INO80: variants seen among roughly 807,000 people sequenced by gnomAD.
INO80 encodes chromatin-remodeling ATPase INO80.
A neutral mutation model predicts 203.4 loss-of-function variants in INO80; 20 were observed. That is an observed-to-expected ratio of 0.10 (90% CI 0.07 to 0.14). The LOEUF is 0.14. INO80 is among the 10% of genes least tolerant of loss of function. INO80 has a pLI of 1.00. For missense variants in INO80, 1,419 were observed against 1,914.4 expected (o/e 0.74, Z 4.83); for synonymous variants, 726 against 685.2 (o/e 1.06, Z -0.93).
chr15:41,052,674 CAAAAAAAAAAAAA>C (rs60685375), intron 19 of INO80, among the ~76,000 whole-genome samples: 57,887 of 107,458 alleles, frequency 0.54, 12,184 homozygotes, highest in Middle Eastern at 0.62. Flanking sequence ...CCTTGTCTTA[CAAAAAAAAAAAAA>C]AAAAAAAAAA....
chr15:41,017,306 CAT>C (rs1184596447), intron 26 of INO80: 7 of 152,222 alleles, frequency 4.6e-5, no homozygotes, highest in Admixed American at 3.3e-4. Flanking sequence ...CAGACTGGTC[CAT>C]AAACATGCCC....
At chr15:41,071,450 T>C (rs915366134) in intron 12 of INO80, among the ~76,000 whole-genome samples, 1 of 43,828 alleles carries the variant, frequency 2.3e-5, no homozygotes, top group Non-Finnish European at 4.1e-5. Context: ...CTCATTTCCT[T>C]TTTTTTTTTT....
chr15:41,099,306 G>C (rs2045773260), intron 1 of INO80, among the ~76,000 whole-genome samples: 1 of 139,660 alleles, frequency 7.2e-6, no homozygotes, highest in Non-Finnish European at 1.5e-5. Context: ...GAGTGAGAGA[G>C]AGGGAAAGAA....
At chr15:41,091,863 G>A (rs1477276167) in intron 5 of INO80, among the ~76,000 whole-genome samples, 164 bp downstream of exon 5, 2 of 151,542 alleles carry the variant, frequency 1.3e-5, no homozygotes, top group East Asian at 1.9e-4. Flanking sequence ...CATGTTGGCC[G>A]GGATGGTTTC....
intron 24 of INO80, among the ~76,000 whole-genome samples, chr15:41,034,749 C>T (rs894395127): frequency 2.0e-5 from 3 of 152,188 alleles, no homozygotes; most frequent in African/African-American, 7.2e-5. Context: ...TGTCTCTTCT[C>T]AGGTTTGTTG....
chr15:41,040,511 T>C (rs2044650052), intron 24 of INO80, among the ~76,000 whole-genome samples: 1 of 152,176 alleles, frequency 6.6e-6, no homozygotes, highest in Non-Finnish European at 1.5e-5. Flanking sequence ...AATAGAATTA[T>C]CTTCGCGAAT....
intron 1 of INO80, among the ~76,000 whole-genome samples, chr15:41,113,072 T>G (rs1395492477): frequency 6.6e-6 from 1 of 150,514 alleles, no homozygotes; most frequent in Non-Finnish European, 1.5e-5. Flanking sequence ...CACATCACCA[T>G]GCTTAGCTAA....
intron 31 of INO80, 105 bp downstream of exon 31, chr15:40,986,986 T>G: frequency 1.6e-6 from 1 of 608,394 alleles, no homozygotes; most frequent in South Asian, 2.2e-5. Context: ...CAAAAATACT[T>G]TCCCTAAATA....
intron 14 of INO80, among the ~76,000 whole-genome samples, chr15:41,064,690 A>G (rs1318398993): frequency 1.3e-5 from 2 of 152,194 alleles, no homozygotes; most frequent in Admixed American, 1.3e-4. Flanking sequence ...GCTCCATCTC[A>G]AGACATCAGA....
At chr15:41,051,694 C>A (rs967449369) in intron 19 of INO80, among the ~76,000 whole-genome samples, 11 of 152,158 alleles carry the variant, frequency 7.2e-5, no homozygotes, top group Non-Finnish European at 1.6e-4. Flanking sequence ...GTGGCTCATG[C>A]CTATAATCCC....
At chr15:40,997,168 T>C (rs1396528178) in intron 29 of INO80, among the ~76,000 whole-genome samples, 1 of 151,642 alleles carries the variant, frequency 6.6e-6, no homozygotes, top group Non-Finnish European at 1.5e-5. Context: ...TCCCAGCTAC[T>C]TGGGAGGGTG....
intron 4 of INO80, among the ~76,000 whole-genome samples, chr15:41,092,591 T>G (rs546250394): frequency 6.6e-6 from 1 of 152,240 alleles, no homozygotes; most frequent in South Asian, 2.1e-4. Context: ...AAATATCCAT[T>G]TATTGATAAA....
In INO80 at chr15:41,021,056, C is replaced by T. The variant is rs770841576; in HGVS notation, c.3118G>A (p.Glu1040Lys). 6.2e-7 allele frequency: 1 copy of T among 1,614,214 alleles called. No homozygotes were observed. Among genetic ancestry groups the T allele is most frequent in the Admixed American group, 1.7e-5 (1 of 60,022 alleles). ...TGCTTGGCTGCCAGACTCCCTCCTT[C>T]CTTCAGAACTCGCCTTTCATATTCT... is the stretch of plus-strand genomic sequence containing the variant. ...SAEYERRVLKEGGSLAAKQCL... is the reference protein window; with the variant it reads ...SAEYERRVLKKGGSLAAKQCL... Residue 1040 changes from glutamate to lysine, a missense_variant, in exon 26 of 36, where the codon GAA becomes AAA. Transcript: ENST00000648947.
chr15:41,115,903 C>A lies in INO80; in HGVS notation c.-44+70G>T, dbSNP rs549787945. On this transcript the variant is annotated intron_variant, in intron 1 of 35. Transcript: ENST00000648947. Reference sequence around the variant, plus strand: ...TTTAAGACGCGGCCCAGTTGTCGCCCGCAGAGAGGGGCGCAACAAGACCTA... The same window carrying A: ...TTTAAGACGCGGCCCAGTTGTCGCCAGCAGAGAGGGGCGCAACAAGACCTA... The A allele has an allele frequency of 5.0e-5, 19 of 379,756 alleles. 1 individual carries two copies. The South Asian group carries it at 2.1e-3, about 41-fold the overall frequency. The allele number at this position is 379,756 out of a possible 1,614,324, so 23.5% of individuals were successfully genotyped here. A position where few individuals can be genotyped will look rare whatever the true frequency, so the allele number is the denominator to read the frequency against.
intron 24 of INO80, among the ~76,000 whole-genome samples, chr15:41,032,145 C>A (rs1290825411): frequency 6.6e-6 from 1 of 152,080 alleles, no homozygotes; most frequent in Non-Finnish European, 1.5e-5. Flanking sequence ...TTCCCTCAGA[C>A]CTAGACTTAC....
At chr15:41,030,477 C>T (rs1248017892) in intron 24 of INO80, among the ~76,000 whole-genome samples, 7 of 152,012 alleles carry the variant, frequency 4.6e-5, no homozygotes, top group Admixed American at 2.6e-4. Flanking sequence ...GATTCTCCCA[C>T]CTCAGCCTCC....
intron 25 of INO80, 66 bp downstream of exon 25, chr15:41,027,530 C>T (rs1161315609): frequency 7.8e-7 from 1 of 1,275,508 alleles, no homozygotes; most frequent in Non-Finnish European, 1.1e-6. Context: ...AGAAATAAAT[C>T]CCTTAAAAAT....
At chr15:40,988,508 C>T (rs1398534988) in intron 29 of INO80, among the ~76,000 whole-genome samples, 2 of 152,184 alleles carry the variant, frequency 1.3e-5, no homozygotes, top group African/African-American at 4.8e-5. Flanking sequence ...ATTGCTTGAG[C>T]CTGGGAGGCA....
At chr15:41,027,762 G>A in intron 24 of INO80, 26 bp from the exon 25 acceptor site, 1 of 1,536,036 alleles carries the variant, frequency 6.5e-7, no homozygotes, top group South Asian at 1.2e-5. Context: ...GCAAATGAAT[G>A]CCAACTATAA....
Sources: gnomAD v4.1 joint callset for allele counts (sites outside exome capture counted in the v4.1 genomes callset) on GRCh38, gnomAD v4.1.1 for gene constraint, MANE v1.5 for transcripts, NCBI Gene and HGNC (gene_info 2026-07-23, HGNC 2026-07-21) for gene names.